DDAH1: variants seen among roughly 807,000 people sequenced by gnomAD.
DDAH1 encodes N(G),N(G)-dimethylarginine dimethylaminohydrolase 1.
DDAH1 carries 19 observed loss-of-function variants against 28.8 expected under a neutral mutation model. The observed-to-expected ratio is 0.66, with a 90% CI of 0.46 to 0.97. DDAH1 has a LOEUF of 0.97. DDAH1 is among the 50% of genes least tolerant of loss of function. DDAH1 has a pLI of 0.00. For missense variants in DDAH1, 326 were observed against 375.9 expected, an observed-to-expected ratio of 0.87 and a Z score of 1.10; for synonymous variants, 153 against 154.4, an observed-to-expected ratio of 0.99 and a Z score of 0.07.
intron 1 of DDAH1, among the ~76,000 whole-genome samples, chr1:85,463,532 A>T (rs1655217649): frequency 6.6e-6 from 1 of 152,230 alleles, no homozygotes. Flanking sequence ...AAGGGCTAGC[A>T]GAGATCTGTT....
intron 1 of DDAH1, among the ~76,000 whole-genome samples, chr1:85,427,545 G>A (rs565035044): frequency 5.3e-5 from 8 of 152,250 alleles, no homozygotes; most frequent in South Asian, 2.1e-4. Flanking sequence ...AGTACAAAAC[G>A]CTTGTGTCTT....
chr1:85,357,646 T>C (rs1649557126), intron 2 of DDAH1, among the ~76,000 whole-genome samples: 1 of 152,236 alleles, frequency 6.6e-6, no homozygotes, highest in South Asian at 2.1e-4. Flanking sequence ...TGGGGCCACA[T>C]TCCCAAGTCC....
At chr1:85,424,791 ATATT>A (rs1236927396) in intron 1 of DDAH1, among the ~76,000 whole-genome samples, 3 of 152,074 alleles carry the variant, frequency 2.0e-5, no homozygotes, top group Non-Finnish European at 2.9e-5. Context: ...CAATGAGTAT[ATATT>A]TATTAGTTCT....
chr1:85,433,310 C>G (rs148656874), intron 1 of DDAH1, among the ~76,000 whole-genome samples: 1 of 152,028 alleles, frequency 6.6e-6, no homozygotes, highest in South Asian at 2.1e-4. Flanking sequence ...GGGGTTTGAG[C>G]TTGGCAGGGG....
At chr1:85,501,910 A>T (rs1296475091) in intron 1 of DDAH1, among the ~76,000 whole-genome samples, 2 of 151,780 alleles carry the variant, frequency 1.3e-5, no homozygotes. Flanking sequence ...GGTTTTTAGA[A>T]CTCTAATCTT....
chr1:85,428,510 G>A (rs953489265), intron 1 of DDAH1, among the ~76,000 whole-genome samples: 3 of 152,138 alleles, frequency 2.0e-5, no homozygotes, highest in African/African-American at 4.8e-5. Context: ...CCCATGGCAC[G>A]TGGGAATTAT....
At chr1:85,417,033 A>G (rs1262386724) in intron 1 of DDAH1, among the ~76,000 whole-genome samples, 1 of 152,220 alleles carries the variant, frequency 6.6e-6, no homozygotes, top group East Asian at 1.9e-4. Flanking sequence ...GGTCCTACAT[A>G]TAACATCATG....
In DDAH1 at chr1:85,320,174, G is replaced by C. The variant is rs1015206271; in HGVS notation, c.*1278C>G. On this transcript the variant is annotated 3_prime_UTR_variant, in exon 6 of 6. Coordinates refer to ENST00000284031, the MANE Select transcript of DDAH1 (RefSeq NM_012137.4). ...AGGAATCATCTCTTCCTTCAGTGCC[G>C]CATTGTTCTTTGTAAGAGATCCGTG... 1 of 152,514 alleles carries C rather than the reference G, an allele frequency of 6.6e-6. No homozygotes were observed. The highest frequency in any genetic ancestry group is 1.5e-5 in the Non-Finnish European group (1 of 68,038). The allele number at this position is 152,514 out of a possible 1,614,324, so 9.4% of individuals were successfully genotyped here.
chr1:85,557,288 T>C (rs1205320964), intron 1 of DDAH1, among the ~76,000 whole-genome samples: 1 of 152,238 alleles, frequency 6.6e-6, no homozygotes, highest in African/African-American at 2.4e-5. Context: ...GATAATTTGA[T>C]ATAACAGTAA....
At chr1:85,556,095 TCTC>T (rs1483784809) in intron 1 of DDAH1, among the ~76,000 whole-genome samples, 1 of 149,980 alleles carries the variant, frequency 6.7e-6, no homozygotes, top group Admixed American at 6.6e-5. Flanking sequence ...TCCTCCTCCT[TCTC>T]CTCCTCCTTC....
At chr1:85,351,355 T>C (rs991117276) in intron 3 of DDAH1, 151 bp downstream of exon 3, 2 of 661,366 alleles carry the variant, frequency 3.0e-6, no homozygotes, top group Non-Finnish European at 2.5e-6. Context: ...TTTTATAGCT[T>C]CTAAAACTTC....
chr1:85,407,105 G>A (rs1156645973), intron 1 of DDAH1, among the ~76,000 whole-genome samples: 1 of 152,058 alleles, frequency 6.6e-6, no homozygotes, highest in African/African-American at 2.4e-5. Flanking sequence ...AGAGTTATGA[G>A]CAGGAAGTTT....
intron 1 of DDAH1, among the ~76,000 whole-genome samples, chr1:85,444,657 A>C (rs2100658977): frequency 6.6e-6 from 1 of 152,286 alleles, no homozygotes; most frequent in South Asian, 2.1e-4. Context: ...TACTCAATTC[A>C]AGACATTCAC....
At chr1:85,419,060 C>T (rs1027165101) in intron 1 of DDAH1, among the ~76,000 whole-genome samples, 4 of 152,044 alleles carry the variant, frequency 2.6e-5, no homozygotes, top group African/African-American at 4.8e-5. Context: ...CTGTAATCAA[C>T]GTATGCTAAG....
chr1:85,468,064 A>G (rs115302786), upstream of DDAH1, among the ~76,000 whole-genome samples: 3,243 of 152,326 alleles, frequency 0.021, 116 homozygotes, highest in African/African-American at 0.073. Flanking sequence ...TAACTGAAGG[A>G]GAGAATGAGA....
chr1:85,342,582 G>C (rs889191633), intron 4 of DDAH1, among the ~76,000 whole-genome samples: 7 of 152,206 alleles, frequency 4.6e-5, no homozygotes, highest in South Asian at 2.1e-4. Context: ...TATATTTCAA[G>C]TTTATACAAT....
intron 1 of DDAH1, among the ~76,000 whole-genome samples, chr1:85,389,201 T>C (rs1415870896): frequency 1.3e-5 from 2 of 151,584 alleles, no homozygotes; most frequent in African/African-American, 4.9e-5. Context: ...TTAAATGCAC[T>C]CCAGCCTGGG....
intron 1 of DDAH1, among the ~76,000 whole-genome samples, chr1:85,564,181 C>CAAAAT (rs1291660643): frequency 6.6e-6 from 1 of 151,432 alleles, no homozygotes; most frequent in Non-Finnish European, 1.5e-5. Context: ...AAAAACAAAA[C>CAAAAT]AAAACAAAAC....
intron 1 of DDAH1, among the ~76,000 whole-genome samples, chr1:85,502,479 CT>C (rs1170507074): frequency 6.6e-6 from 1 of 152,224 alleles, no homozygotes; most frequent in East Asian, 1.9e-4. Flanking sequence ...GAATCTCTTC[CT>C]TTCTCCTGGG....
Sources: gnomAD v4.1 joint callset for allele counts (sites outside exome capture counted in the v4.1 genomes callset) on GRCh38, gnomAD v4.1.1 for gene constraint, MANE v1.5 for transcripts, NCBI Gene and HGNC (gene_info 2026-07-23, HGNC 2026-07-21) for gene names.